FAM174A: variants seen among roughly 807,000 people sequenced by gnomAD.
The protein encoded by FAM174A is family with sequence similarity 174 member A.
A neutral mutation model predicts 14.3 loss-of-function variants in FAM174A; 14 were observed. That is an observed-to-expected ratio of 0.98 (90% CI 0.65 to 1.53). The LOEUF is 1.53. Among genes scored for constraint, FAM174A ranks in the 40% most tolerant of loss-of-function variants. The pLI, the probability that FAM174A is intolerant of heterozygous loss-of-function variation, is 0.00. For missense variants in FAM174A, 241 were observed against 249.6 expected, an observed-to-expected ratio of 0.97 and a Z score of 0.23; for synonymous variants, 108 against 111.4, an observed-to-expected ratio of 0.97 and a Z score of 0.19.
chr5:100,579,308 C>G (rs181199048), intron 2 of FAM174A, among the ~76,000 whole-genome samples: 3 of 152,178 alleles, frequency 2.0e-5, no homozygotes, highest in African/African-American at 7.2e-5. Context: ...TCAAATTGAT[C>G]CAAGTTCTGT....
chr5:100,563,433 G>T (rs974623755), intron 2 of FAM174A, among the ~76,000 whole-genome samples: 13 of 151,382 alleles, frequency 8.6e-5, no homozygotes, highest in African/African-American at 1.5e-4. Flanking sequence ...TAGTAAAGGA[G>T]TCAATTCACC....
chr5:100,549,211 G>A (rs1746216631), intron 1 of FAM174A, among the ~76,000 whole-genome samples: 1 of 151,996 alleles, frequency 6.6e-6, no homozygotes. Flanking sequence ...ATGAATCTTG[G>A]GGGTACTGAA....
At chr5:100,554,441 C>T (rs372315321) in intron 1 of FAM174A, among the ~76,000 whole-genome samples, 30 of 150,994 alleles carry the variant, frequency 2.0e-4, no homozygotes, top group African/African-American at 7.1e-4. Context: ...TTTAGCTTCC[C>T]GAGTAGCTGG....
At position 100,536,243 on chromosome 5, in the gene FAM174A, T is replaced by C. The variant is rs1433769045; in HGVS notation, c.434+279T>C. On this transcript the variant is annotated intron_variant, in intron 1 of 2. Transcript: ENST00000312637. ...CTCAAAGGGCACCCTTTCTCTGAAG[T>C]GAGGATAATCTTTATTCCCTAGAAT... Among the ~76,000 whole-genome samples the C allele has an allele frequency of 2.0e-5, 3 of 152,326 alleles. No homozygotes were observed. The East Asian group carries it at 5.8e-4, about 29-fold the overall frequency.
At chr5:100,562,463 G>A (rs933536496) in intron 2 of FAM174A, among the ~76,000 whole-genome samples, 2 of 151,592 alleles carry the variant, frequency 1.3e-5, no homozygotes, top group Non-Finnish European at 2.9e-5. Flanking sequence ...ACAAGTGCAG[G>A]GTCGTTACAT....
chr5:100,557,346 T>C (rs1244581462), intron 1 of FAM174A, among the ~76,000 whole-genome samples: 1 of 152,214 alleles, frequency 6.6e-6, no homozygotes, highest in Admixed American at 6.5e-5. Flanking sequence ...GCCAGTATTT[T>C]ATTGAGGATT....
In FAM174A at chr5:100,535,941, G is replaced by A. The variant is rs1181714588; in HGVS notation, c.411G>A (p.Val137=). 1 of 1,596,550 alleles carries A rather than the reference G, an allele frequency of 6.3e-7. No homozygotes were observed. The highest frequency in any genetic ancestry group is 8.6e-7 in the Non-Finnish European group (1 of 1,168,122). ...VLMVVSGAVL[V]YFVVRTVRMR... Reference sequence around the variant, plus strand: ...TGGTGGTGAGCGGCGCGGTGCTGGTGTACTTCGTGGTCAGGACGGTCAGGT... The same window carrying A: ...TGGTGGTGAGCGGCGCGGTGCTGGTATACTTCGTGGTCAGGACGGTCAGGT... The change falls in exon 1 of 3, where the codon GTG becomes GTA. Residue 137 remains valine, a synonymous_variant. Coordinates refer to ENST00000312637, the MANE Select transcript of FAM174A (RefSeq NM_198507.3).
rs1706010891 is a variant in FAM174A at position 100,535,714 on chromosome 5, C to T, written c.184C>T (p.Pro62Ser). 2 of 1,606,576 alleles carry T rather than the reference C, an allele frequency of 1.2e-6. No homozygotes were observed. The highest frequency in any genetic ancestry group is 1.7e-6 in the Non-Finnish European group (2 of 1,177,788). The change falls in exon 1 of 3, where the codon CCT becomes TCT. Residue 62 changes from proline (P) to serine (S), a missense_variant. Pro to Ser is a moderately conservative substitution (Grantham distance 74, BLOSUM62 -1). Coordinates refer to ENST00000312637, the MANE Select transcript of FAM174A (RefSeq NM_198507.3). Reference sequence around the variant, plus strand: ...ACCGCCGCTGCCACCGGGCCCTACCCCTGCCCAGCAGCCGGGCCGTGGTCT... The same window carrying T: ...ACCGCCGCTGCCACCGGGCCCTACCTCTGCCCAGCAGCCGGGCCGTGGTCT... ...TLPPLPPGPT[P>S]AQQPGRGLAE...
At chr5:100,563,400 CAA>C (rs35690521) in intron 2 of FAM174A, among the ~76,000 whole-genome samples, 28 of 143,902 alleles carry the variant, frequency 1.9e-4, no homozygotes, top group South Asian at 4.6e-4. Flanking sequence ...TCTCTTGAGA[CAA>C]AAAAAAAAAA....
At chr5:100,577,499 A>T (rs32236) in intron 2 of FAM174A, among the ~76,000 whole-genome samples, 1 of 151,880 alleles carries the variant, frequency 6.6e-6, no homozygotes, top group Admixed American at 6.6e-5. Flanking sequence ...TATTAACATC[A>T]GTATATCAGA....
intron 1 of FAM174A, among the ~76,000 whole-genome samples, chr5:100,542,846 A>ATATG (rs1554046411): frequency 0.02 from 3,061 of 150,386 alleles, 112 homozygotes; most frequent in African/African-American, 0.071. Flanking sequence ...ATATATATAT[A>ATATG]TGTGTGTGTG....
intron 2 of FAM174A, among the ~76,000 whole-genome samples, chr5:100,569,363 G>C (rs1169274320): frequency 6.8e-6 from 1 of 147,742 alleles, no homozygotes; most frequent in African/African-American, 2.6e-5. Context: ...ATGACATAGA[G>C]TTACATATTA....
intron 2 of FAM174A, among the ~76,000 whole-genome samples, chr5:100,568,360 G>A (rs1264784106): frequency 6.6e-6 from 1 of 151,754 alleles, no homozygotes; most frequent in African/African-American, 2.4e-5. Context: ...TTTCTCCATA[G>A]AGCCCTGGTT....
intron 2 of FAM174A, among the ~76,000 whole-genome samples, chr5:100,578,240 G>A (rs1429947888): frequency 3.3e-5 from 5 of 152,126 alleles, no homozygotes; most frequent in Admixed American, 6.6e-5. Context: ...AGGAGCAACA[G>A]GACATAATCA....
Position 100,535,499 on chromosome 5 carries a change from C to A in FAM174A, c.-32C>A. The A allele has an allele frequency of 1.9e-6, 3 of 1,604,980 alleles. No homozygotes were observed. Among genetic ancestry groups the A allele is most frequent in the Non-Finnish European group, 2.6e-6 (3 of 1,175,586 alleles). ...GGAGCCAGCGTGGCGGGCCTGGCGG[C>A]TCCCGGGTGGTGAGAGAGCGGTCCG... On this transcript the variant is annotated 5_prime_UTR_variant, in exon 1 of 3. Transcript: ENST00000312637.
At chr5:100,544,992 A>G (rs148301391) in intron 1 of FAM174A, among the ~76,000 whole-genome samples, 18 of 152,360 alleles carry the variant, frequency 1.2e-4, no homozygotes, top group East Asian at 1.9e-4. Flanking sequence ...GCAAGCGTCT[A>G]TTCTGACTAG....
chr5:100,571,152 G>GTA (rs10642518), intron 2 of FAM174A, among the ~76,000 whole-genome samples: 65,442 of 150,358 alleles, frequency 0.44, 14,521 homozygotes, highest in Admixed American at 0.47. Context: ...ATATGTGTGT[G>GTA]TATATATATA....
chr5:100,583,808 A>G (rs1032834531), intron 2 of FAM174A, among the ~76,000 whole-genome samples: 1 of 152,140 alleles, frequency 6.6e-6, no homozygotes, highest in Non-Finnish European at 1.5e-5. Flanking sequence ...AGCATCTTCA[A>G]TGGTATATTC....
chr5:100,538,982 A>T (rs981384784), intron 1 of FAM174A, among the ~76,000 whole-genome samples: 1 of 152,116 alleles, frequency 6.6e-6, no homozygotes, highest in Non-Finnish European at 1.5e-5. Flanking sequence ...AAAGCAGGGA[A>T]TTATTTCCTT....
Sources: allele counts gnomAD v4.1 joint callset (sites outside exome capture counted in the v4.1 genomes callset), GRCh38; gene constraint gnomAD v4.1.1; transcripts MANE v1.5; gene names NCBI Gene and HGNC (gene_info 2026-07-23, HGNC 2026-07-21).